NBPF6: variants seen among roughly 807,000 people sequenced by gnomAD.
NBPF6 encodes NBPF member 6.
A neutral mutation model predicts 20.8 loss-of-function variants in NBPF6; 2 were observed. The ratio of observed to expected loss-of-function variants is 0.10; its 90% CI spans 0.04 to 0.30. NBPF6 has a LOEUF of 0.30. Among genes scored for constraint, NBPF6 ranks in the 10% least tolerant of loss-of-function variants. The probability of loss-of-function intolerance (pLI) is 1.00; values close to 1 mark genes in which losing one functional copy is unlikely to be tolerated. For missense variants in NBPF6, 85 were observed against 260.3 expected (o/e 0.33, Z 4.63); for synonymous variants, 24 against 100.0 (o/e 0.24, Z 4.53).
At chr1:108,436,054 TAATG>T in the NBPF6 span, among the ~76,000 whole-genome samples, 3 of 96,548 alleles carry the variant, frequency 3.1e-5, no homozygotes, top group Admixed American at 2.0e-4. Context: ...ACAGAGAACA[TAATG>T]AATACCTAAA....
rs1222346249 is a variant in NBPF6 at position 108,470,713 on chromosome 1, C to G, written c.*75C>G. On this transcript the variant is annotated 3_prime_UTR_variant, in exon 15 of 15. Transcript: ENST00000495380. ...AGCAAAGCAAGTTTAAGTCCAAACA[C>G]AATACTGCAGGGGTCCTTCACTGAG... is the stretch of plus-strand genomic sequence containing the variant. The G allele has an allele frequency of 8.7e-6, 10 of 1,146,594 alleles. No individual in the cohort carries two copies. The highest frequency in any genetic ancestry group is 3.1e-5 in the African/African-American group (2 of 64,124). The allele number at this position is 1,146,594 out of a possible 1,614,324, so 71.0% of individuals were successfully genotyped here.
At position 108,470,627 on chromosome 1, in the gene NBPF6, A is replaced by C; in HGVS notation, c.1906A>C (p.Met636Leu). ...IPNTAERMQRMIG is the reference protein window; with the variant it reads ...IPNTAERMQRLIG ...AAATACTGCTGAAAGGATGCAAAGG[A>C]TGATAGGATGAAAGAATGTCACAAA... Residue 636 changes from methionine (M) to leucine (L), a missense_variant, in exon 15 of 15, where the codon ATG (methionine) becomes CTG (leucine). This residue lies in a region of NBPF6 where 31 missense variants were observed against 21.0 expected (regional missense o/e 1.48). Transcript: ENST00000495380. 6.4e-7 allele frequency: 1 copy of C among 1,558,200 alleles called. No individual in the cohort carries two copies. Among genetic ancestry groups the C allele is most frequent in the Non-Finnish European group, 8.7e-7 (1 of 1,150,600 alleles).
chr1:108,471,050 A>C lies in NBPF6; in HGVS notation c.*412A>C, dbSNP rs1653444361. 6.0e-6 allele frequency: 1 copy of C among 167,134 alleles called. No homozygotes were observed. Among genetic ancestry groups the C allele is most frequent in the Non-Finnish European group, 1.3e-5 (1 of 78,552 alleles). The allele number at this position is 167,134 out of a possible 1,614,324, so 10.4% of individuals were successfully genotyped here. A position where few individuals can be genotyped will look rare whatever the true frequency, so the allele number is the denominator to read the frequency against. On this transcript the variant is annotated 3_prime_UTR_variant, in exon 15 of 15. Transcript: ENST00000495380. ...TAGGAGGTAACCCTCAGATAACTGC[A>C]GAATGTAGAACATTGAACAGGACAA...
chr1:108,429,696 GTTA>G, the NBPF6 span, among the ~76,000 whole-genome samples: 1 of 140,714 alleles, frequency 7.1e-6, no homozygotes, highest in Non-Finnish European at 1.6e-5. Context: ...GAGACTGTTT[GTTA>G]TTATTTCAGT....
At chr1:108,467,734 C>G in intron 14 of NBPF6, 69 bp downstream of exon 14, 2 of 1,534,680 alleles carry the variant, frequency 1.3e-6, no homozygotes, top group South Asian at 1.2e-5. Context: ...AGCTCATTCT[C>G]TCACTGCTTT....
intron 3 of NBPF6, among the ~76,000 whole-genome samples, chr1:108,452,807 T>C (rs1204181761): frequency 2.6e-5 from 2 of 76,020 alleles, no homozygotes; most frequent in Non-Finnish European, 6.3e-5. Flanking sequence ...CACATAGAGA[T>C]GCCCATGGCC....
chr1:108,441,767 CA>C, the NBPF6 span, among the ~76,000 whole-genome samples: 1 of 41,932 alleles, frequency 2.4e-5, no homozygotes, highest in Non-Finnish European at 4.7e-5. Context: ...TGGAACAGAC[CA>C]TAAGGAGTTC....
upstream of NBPF6, among the ~76,000 whole-genome samples, chr1:108,447,736 T>C (rs1182343216): frequency 7.4e-6 from 1 of 134,508 alleles, no homozygotes; most frequent in Admixed American, 7.3e-5. Context: ...ACTGATGGAA[T>C]TGGACAGTGC....
the NBPF6 span, among the ~76,000 whole-genome samples, chr1:108,436,613 AGAAAAG>A: frequency 3.8e-5 from 2 of 52,068 alleles, no homozygotes; most frequent in East Asian, 9.8e-4. Flanking sequence ...AAAAAAAAAA[AGAAAAG>A]AAAAGAAAAA....
rs2101066057 is a variant in NBPF6, at chr1:108,470,670, G to C, written c.*32G>C. The C allele has an allele frequency of 3.2e-6, 5 of 1,543,014 alleles. No individual in the cohort carries two copies. Among genetic ancestry groups the C allele is most frequent in the African/African-American group, 1.4e-5 (1 of 72,486 alleles). On this transcript the variant is annotated 3_prime_UTR_variant, in exon 15 of 15. Transcript: ENST00000495380. ...GTCACAAAAAGCAGCTTTTCCACTT[G>C]ATAAAAACAACTAAAACAGCAAAGC...
At chr1:108,451,499 T>A (rs1196583298) in intron 2 of NBPF6, among the ~76,000 whole-genome samples, 1 of 143,212 alleles carries the variant, frequency 7.0e-6, no homozygotes, top group African/African-American at 2.5e-5. Context: ...AGTTTCCTCA[T>A]CTGCTCATTG....
the NBPF6 span, among the ~76,000 whole-genome samples, chr1:108,426,426 A>AAAAT: frequency 0.11 from 9,570 of 85,694 alleles, 1,295 homozygotes; most frequent in East Asian, 0.21. Context: ...TGTCTCTTTA[A>AAAAT]AAATAAATAA....
At chr1:108,429,540 G>C in the NBPF6 span, among the ~76,000 whole-genome samples, 2 of 128,838 alleles carry the variant, frequency 1.6e-5, no homozygotes, top group African/African-American at 5.6e-5. Flanking sequence ...GTTCCCATTG[G>C]TTTCAAAGAA....
At chr1:108,448,329 T>A (rs536628403), upstream of NBPF6, among the ~76,000 whole-genome samples, 10 of 148,130 alleles carry the variant, frequency 6.8e-5, 1 homozygote, top group East Asian at 2.0e-3. Flanking sequence ...AAAGTCTTAA[T>A]GAGAATCATT....
chr1:108,448,539 G>A (rs1226510170), upstream of NBPF6, among the ~76,000 whole-genome samples: 10 of 121,490 alleles, frequency 8.2e-5, no homozygotes, highest in South Asian at 2.6e-4. Context: ...AATGACACAG[G>A]AATGAATGCT....
At chr1:108,430,488 C>A in the NBPF6 span, among the ~76,000 whole-genome samples, 738 of 4,534 alleles carry the variant, frequency 0.16, 17 homozygotes, top group African/African-American at 0.25. Flanking sequence ...TTTAGTACTT[C>A]CTTCAGGAGC....
At chr1:108,447,899 T>C (rs181355455), upstream of NBPF6, among the ~76,000 whole-genome samples, 162 of 147,494 alleles carry the variant, frequency 1.1e-3, 14 homozygotes, top group African/African-American at 4.0e-3. Context: ...AATTTGCTCT[T>C]ATAAGTAATA....
the NBPF6 span, among the ~76,000 whole-genome samples, chr1:108,436,559 C>A: frequency 1.5e-5 from 1 of 67,026 alleles, no homozygotes; most frequent in South Asian, 4.7e-4. Context: ...CACCACTTCA[C>A]TCCAGCCTGA....
Position 108,470,617 on chromosome 1 carries a change from G to C in NBPF6, c.1896G>C (p.Arg632Ser), listed in dbSNP as rs368090196. 37 of 1,555,068 alleles carry C rather than the reference G, an allele frequency of 2.4e-5. No homozygotes were observed. Among genetic ancestry groups the C allele is most frequent in the Non-Finnish European group, 3.2e-5 (37 of 1,148,804 alleles). ...ESAEIPNTAE[R>S]MQRMIG Reference sequence around the variant, plus strand: ...TACAGATACCAAATACTGCTGAAAGGATGCAAAGGATGATAGGATGAAAGA... The same window carrying C: ...TACAGATACCAAATACTGCTGAAAGCATGCAAAGGATGATAGGATGAAAGA... Residue 632 changes from arginine (R) to serine (S), a missense_variant, in exon 15 of 15, where the codon AGG becomes AGC. Arg to Ser is a moderately radical substitution (Grantham distance 110). Transcript: ENST00000495380.
Sources: allele counts gnomAD v4.1 joint callset (sites outside exome capture counted in the v4.1 genomes callset), GRCh38; gene constraint gnomAD v4.1.1; regional missense constraint gnomAD v4.1.1; transcripts MANE v1.5; gene names NCBI Gene and HGNC (gene_info 2026-07-23, HGNC 2026-07-21).